The following FUT8 variants were observed in gnomAD, a reference collection of about 807,000 sequenced individuals.
The protein encoded by FUT8 is alpha-(1,6)-fucosyltransferase.
FUT8 carries 29 observed loss-of-function variants against 71.3 expected under a neutral mutation model. That is an observed-to-expected ratio of 0.41 (90% CI 0.30 to 0.55). FUT8 has a LOEUF of 0.55. FUT8 is among the 20% of genes least tolerant of loss of function. The probability of loss-of-function intolerance (pLI) is 0.34; values close to 1 mark genes in which losing one functional copy is unlikely to be tolerated. For missense variants in FUT8, 544 were observed against 702.1 expected (o/e 0.77, Z 2.55); for synonymous variants, 254 against 239.3 (o/e 1.06, Z -0.57).
At chr14:65,445,241 T>C (rs866803032) in intron 1 of FUT8, among the ~76,000 whole-genome samples, 1 of 152,168 alleles carries the variant, frequency 6.6e-6, no homozygotes, top group African/African-American at 2.4e-5. Flanking sequence ...GCTTGCTCTC[T>C]TCTGCTTTTC....
At position 65,699,499 on chromosome 14, in the gene FUT8, A is replaced by C. The variant is rs115203846; in HGVS notation, c.836-22276A>C. On this transcript the variant is annotated intron_variant, in intron 7 of 10. Coordinates refer to ENST00000673929, the MANE Select transcript of FUT8 (RefSeq NM_001371533.1). ...TTACAAGATAGGGACTCTAGTTTAC[A>C]TGGAGGTGAGACTAAGCTGTAAAAT... Among the ~76,000 whole-genome samples, 528 of 152,290 alleles carry C rather than the reference A, an allele frequency of 3.5e-3. 2 individuals carry two copies. The highest frequency in any genetic ancestry group is 0.012 in the African/African-American group (501 of 41,568).
chr14:65,586,537 C>A (rs1887393967), intron 3 of FUT8, among the ~76,000 whole-genome samples: 1 of 152,136 alleles, frequency 6.6e-6, no homozygotes, highest in African/African-American at 2.4e-5. Flanking sequence ...ATTTTGGAAT[C>A]TAATGTATTT....
In FUT8 at chr14:65,417,669, T is replaced by A. The variant is rs146178873; in HGVS notation, c.-326+4455T>A. On this transcript the variant is annotated intron_variant, in intron 1 of 10. Coordinates refer to ENST00000673929, the MANE Select transcript of FUT8 (RefSeq NM_001371533.1). ...CTTTTTTTTGGTCAGAAAATGACAATGTGAAGGAGAAATACGTTTTGAATT... is the reference window on the plus strand; with the variant it reads ...CTTTTTTTTGGTCAGAAAATGACAAAGTGAAGGAGAAATACGTTTTGAATT... Among the ~76,000 whole-genome samples the A allele has an allele frequency of 2.8e-3, 421 of 152,232 alleles. 4 individuals carry two copies. Among genetic ancestry groups the A allele is most frequent in the African/African-American group, 9.7e-3 (401 of 41,542 alleles).
At chr14:65,464,698 A>T (rs2066016564) in intron 2 of FUT8, among the ~76,000 whole-genome samples, 1 of 152,112 alleles carries the variant, frequency 6.6e-6, no homozygotes, top group Non-Finnish European at 1.5e-5. Context: ...CATACTTGGA[A>T]TATACTCTAC....
intron 2 of FUT8, among the ~76,000 whole-genome samples, chr14:65,527,234 C>T (rs1407228072): frequency 1.3e-5 from 2 of 152,158 alleles, no homozygotes; most frequent in Non-Finnish European, 2.9e-5. Context: ...TCACATAGTC[C>T]CATGTTTCTT....
At chr14:65,405,942 G>C (rs1401338660), upstream of FUT8, among the ~76,000 whole-genome samples, 4 of 152,178 alleles carry the variant, frequency 2.6e-5, no homozygotes, top group African/African-American at 9.7e-5. Context: ...GACCAATTAG[G>C]TGTGGGCAAT....
intron 3 of FUT8, among the ~76,000 whole-genome samples, chr14:65,563,729 A>G (rs1474043867): frequency 6.6e-6 from 1 of 152,014 alleles, no homozygotes; most frequent in East Asian, 1.9e-4. Context: ...TGATATTTCA[A>G]TTTGTTTATT....
chr14:65,714,418 A>ATTTT (rs1336048298), intron 7 of FUT8, among the ~76,000 whole-genome samples: 14 of 133,612 alleles, frequency 1.0e-4, no homozygotes, highest in East Asian at 6.4e-4. Flanking sequence ...TTCCATATAA[A>ATTTT]TTTTATTTAT....
intron 7 of FUT8, among the ~76,000 whole-genome samples, chr14:65,713,000 CT>C (rs1325998972): frequency 6.6e-6 from 1 of 152,132 alleles, no homozygotes; most frequent in Non-Finnish European, 1.5e-5. Flanking sequence ...AATACTAGGT[CT>C]TATTTTTTCG....
At chr14:65,699,024 A>G (rs975221874) in intron 7 of FUT8, among the ~76,000 whole-genome samples, 1 of 152,138 alleles carries the variant, frequency 6.6e-6, no homozygotes, top group Non-Finnish European at 1.5e-5. Flanking sequence ...TGTGGAGTAC[A>G]TATCAAATGT....
the FUT8 span, among the ~76,000 whole-genome samples, chr14:65,373,889 C>T: frequency 4.6e-5 from 7 of 152,324 alleles, no homozygotes; most frequent in African/African-American, 1.4e-4. Flanking sequence ...TCTCCCTCTC[C>T]CAGGCAGAAT....
intron 5 of FUT8, among the ~76,000 whole-genome samples, chr14:65,619,974 C>T (rs1187613686): frequency 6.6e-6 from 1 of 152,050 alleles, no homozygotes; most frequent in Non-Finnish European, 1.5e-5. Context: ...TAGATGTGTA[C>T]CTCAACCTCT....
rs892345900 is a variant in FUT8 at position 65,643,677 on chromosome 14, C to T, written c.597+14071C>T. On this transcript the variant is annotated intron_variant, in intron 6 of 10. Coordinates refer to ENST00000673929, the MANE Select transcript of FUT8 (RefSeq NM_001371533.1). This position sits in a 1 kb window ranked among gnomAD's most constrained non-coding sequence, Gnocchi z 4.5. ...TTTAAAAAAAAAATACACACACACACACACACACACACACACACACACACA... is the reference window on the plus strand; with the variant it reads ...TTTAAAAAAAAAATACACACACACATACACACACACACACACACACACACA... Among the ~76,000 whole-genome samples the T allele has an allele frequency of 8.3e-5, 11 of 132,146 alleles. No individual in the cohort carries two copies. The highest frequency in any genetic ancestry group is 2.3e-4 in the South Asian group (1 of 4,334). 86.7% of individuals were successfully genotyped at this position (132,146 alleles called of 152,430 possible). A position where few individuals can be genotyped will look rare whatever the true frequency, so the allele number is the denominator to read the frequency against.
intron 2 of FUT8, among the ~76,000 whole-genome samples, chr14:65,511,342 T>C (rs1882326402): frequency 6.6e-6 from 1 of 152,194 alleles, no homozygotes; most frequent in South Asian, 2.1e-4. Flanking sequence ...ATATGGTCTA[T>C]CCTTGAGAAT....
intron 7 of FUT8, among the ~76,000 whole-genome samples, chr14:65,672,301 C>A (rs1892511147): frequency 6.6e-6 from 1 of 152,058 alleles, no homozygotes. Context: ...ATGAAATGAT[C>A]AATTTAGTTT....
chr14:65,396,586 C>G, the FUT8 span, among the ~76,000 whole-genome samples: 3 of 152,178 alleles, frequency 2.0e-5, no homozygotes, highest in Admixed American at 6.5e-5. This position sits in a 1 kb window ranked among gnomAD's most constrained non-coding sequence, Gnocchi z 5.5. Flanking sequence ...TGGTCCTTCC[C>G]ACAACACATG....
intron 2 of FUT8, among the ~76,000 whole-genome samples, chr14:65,474,441 G>GAAGAAAAAAAAAAAAAAAA (rs2066199714): frequency 2.5e-5 from 1 of 39,698 alleles, no homozygotes; most frequent in Non-Finnish European, 4.7e-5. Flanking sequence ...TGTCTCTACT[G>GAAGAAAAAAAAAAAAAAAA]AAAAAAAAAA....
chr14:65,679,828 G>C (rs778780638), intron 7 of FUT8, among the ~76,000 whole-genome samples: 2 of 152,094 alleles, frequency 1.3e-5, no homozygotes, highest in Non-Finnish European at 2.9e-5. Flanking sequence ...CTCTAAAAAA[G>C]GGCTTGACAA....
At chr14:65,564,353 T>G (rs191052426) in intron 3 of FUT8, among the ~76,000 whole-genome samples, 10 of 152,194 alleles carry the variant, frequency 6.6e-5, no homozygotes, top group African/African-American at 2.4e-4. Flanking sequence ...TTTTTTAGAT[T>G]TTCTAGATTC....
Sources: allele counts gnomAD v4.1 joint callset (sites outside exome capture counted in the v4.1 genomes callset), GRCh38; gene constraint gnomAD v4.1.1; non-coding constraint Gnocchi (gnomAD v3.1); transcripts MANE v1.5; gene names NCBI Gene and HGNC (gene_info 2026-07-23, HGNC 2026-07-21).